The following SPDEF variants were observed in gnomAD, a reference collection of about 807,000 sequenced individuals.
The protein encoded by SPDEF is SAM pointed domain-containing Ets transcription factor.
SPDEF carries 12 observed loss-of-function variants against 36.0 expected under a neutral mutation model. The ratio of observed to expected loss-of-function variants is 0.33; its 90% CI spans 0.21 to 0.54. SPDEF has a LOEUF of 0.54. SPDEF is among the 20% of genes least tolerant of loss of function. The probability of loss-of-function intolerance (pLI) is 0.93; values close to 1 mark genes in which losing one functional copy is unlikely to be tolerated. For missense variants in SPDEF, 388 were observed against 456.9 expected (o/e 0.85, Z 1.37); for synonymous variants, 205 against 193.0 (o/e 1.06, Z -0.51).
At chr6:34,546,011 C>T (rs80287747) in intron 1 of SPDEF, among the ~76,000 whole-genome samples, 1 of 151,928 alleles carries the variant, frequency 6.6e-6, no homozygotes, top group Non-Finnish European at 1.5e-5. Context: ...ATACAGAGAA[C>T]CAGTTAGGGA....
intron 1 of SPDEF, among the ~76,000 whole-genome samples, chr6:34,545,378 C>T (rs1392725888): frequency 2.0e-5 from 3 of 152,372 alleles, no homozygotes; most frequent in East Asian, 1.9e-4. Context: ...GCAACTCAGC[C>T]ACCTGCTCCT....
At chr6:34,546,992 AC>A (rs564745272) in intron 1 of SPDEF, among the ~76,000 whole-genome samples, 3,739 of 100,914 alleles carry the variant, frequency 0.037, 44 homozygotes, top group African/African-American at 0.068. Context: ...ACCCCTGGGG[AC>A]CCCCCCCCGC....
At chr6:34,540,476 T>C (rs1767794066) in intron 3 of SPDEF, among the ~76,000 whole-genome samples, 1 of 151,070 alleles carries the variant, frequency 6.6e-6, no homozygotes, top group Non-Finnish European at 1.5e-5. Context: ...AGACTTTCCC[T>C]GGAAAGATAC....
chr6:34,541,904 G>A (rs1767831067), intron 2 of SPDEF, among the ~76,000 whole-genome samples: 1 of 152,212 alleles, frequency 6.6e-6, no homozygotes, highest in Non-Finnish European at 1.5e-5. Context: ...GGTGGGCATG[G>A]TCACAATGGG....
rs1006036612 is a variant in SPDEF, at chr6:34,543,995, A to G, written c.436+25T>C. Reference sequence around the variant, plus strand: ...GCCTTGCCTGTGACCCATCTTACGGAAGCAGGCACATGGAGAGGGCTCACC... The same window carrying G: ...GCCTTGCCTGTGACCCATCTTACGGGAGCAGGCACATGGAGAGGGCTCACC... On this transcript the variant is annotated intron_variant, in intron 2 of 5. Transcript: ENST00000374037. 2.5e-6 allele frequency: 4 copies of G among 1,594,728 alleles called. No individual in the cohort carries two copies. In the African/African-American group the frequency reaches 5.4e-5, roughly 22 times the overall value.
At chr6:34,549,788 G>T in intron 1 of SPDEF, among the ~76,000 whole-genome samples, 1 of 152,200 alleles carries the variant, frequency 6.6e-6, no homozygotes, top group East Asian at 1.9e-4. Flanking sequence ...GAGCACTGAG[G>T]GAGTGACAGA....
chr6:34,552,959 G>C lies in SPDEF; in HGVS notation c.-30+2970C>G, dbSNP rs1312271800. On this transcript the variant is annotated intron_variant, in intron 1 of 5. Transcript: ENST00000374037. The surrounding 1 kb of genome is among the most constrained non-coding windows in gnomAD (Gnocchi z 4.6). ...AACTTGCTACCCCAGGAGCAGAGAG[G>C]CCTGGGCCTTGCCCCGCAACCAGTC... Among the ~76,000 whole-genome samples the C allele has an allele frequency of 1.3e-5, 2 of 152,172 alleles. No individual in the cohort carries two copies. The highest frequency in any genetic ancestry group is 4.8e-5 in the African/African-American group (2 of 41,430).
At chr6:34,548,150 A>G (rs977967356) in intron 1 of SPDEF, among the ~76,000 whole-genome samples, 1 of 152,124 alleles carries the variant, frequency 6.6e-6, no homozygotes, top group Admixed American at 6.5e-5. Context: ...CCGCTTTCCT[A>G]CCCACAGCCA....
intron 1 of SPDEF, among the ~76,000 whole-genome samples, chr6:34,549,485 T>C (rs1768016799): frequency 6.6e-6 from 1 of 152,108 alleles, no homozygotes; most frequent in Non-Finnish European, 1.5e-5. Context: ...ACCCTTTGCC[T>C]CCCAGGTTTT....
Position 34,539,382 on chromosome 6 carries a change from C to T in SPDEF, c.697G>A (p.Glu233Lys). 2 of 1,613,730 alleles carry T rather than the reference C, an allele frequency of 1.2e-6. No homozygotes were observed. Among genetic ancestry groups the T allele is most frequent in the Non-Finnish European group, 8.5e-7 (1 of 1,180,038 alleles). Residue 233 changes from glutamate to lysine, a missense_variant, in exon 5 of 6, where the codon GAG becomes AAG. By Grantham distance (56) the Glu-to-Lys change is moderately conservative. Transcript: ENST00000374037. This position sits in a 1 kb window ranked among gnomAD's most constrained non-coding sequence, Gnocchi z 5.2. Reference sequence around the variant, plus strand: ...TCCACCTCGCTGTCGGTCCAGCTCTCCTCACTGGTCGAGGCTGGGTGGCCA... The same window carrying T: ...TCCACCTCGCTGTCGGTCCAGCTCTTCTCACTGGTCGAGGCTGGGTGGCCA... ...AIHYCASTSE[E>K]SWTDSEVDSS...
At position 34,538,376 on chromosome 6, in the gene SPDEF, G is replaced by A. The variant is rs768966626; in HGVS notation, c.906C>T (p.Tyr302=). 3.7e-5 allele frequency: 60 copies of A among 1,614,006 alleles called. No homozygotes were observed. The highest frequency in any genetic ancestry group is 1.3e-4 in the East Asian group (6 of 44,898). Residue 302 remains tyrosine (Y), a synonymous_variant, in exon 6 of 6, where the codon TAC becomes TAT. Transcript: ENST00000374037. This position sits in a 1 kb window ranked among gnomAD's most constrained non-coding sequence, Gnocchi z 5.9. ...GGCGGATGGAGCGGCTCAGCTTGTC[G>A]TAGTTCATGGCGGGACGGTTCTTGC... ...GIRKNRPAMN[Y]DKLSRSIRQY...
At chr6:34,546,560 C>T (rs186182482) in intron 1 of SPDEF, among the ~76,000 whole-genome samples, 1 of 152,300 alleles carries the variant, frequency 6.6e-6, no homozygotes, top group Non-Finnish European at 1.5e-5. Flanking sequence ...AAAATGACAT[C>T]CCTTCCCCCT....
In SPDEF at chr6:34,538,563, G is replaced by C. The variant is rs2127280586; in HGVS notation, c.830-111C>G. 1 of 1,108,680 alleles carries C rather than the reference G, an allele frequency of 9.0e-7. No individual in the cohort carries two copies. Among genetic ancestry groups the C allele is most frequent in the Non-Finnish European group, 1.3e-6 (1 of 778,520 alleles). 68.7% of individuals were successfully genotyped at this position (1,108,680 alleles called of 1,614,324 possible). On this transcript the variant is annotated intron_variant, in intron 5 of 5. Transcript: ENST00000374037. The surrounding 1 kb of genome is among the most constrained non-coding windows in gnomAD (Gnocchi z 5.9). Reference sequence around the variant, plus strand: ...GGCGAACCAAGGGACCCCGTGCAGAGGCCTCCCCCTGCTCGGGTGGGGCGG... The same window carrying C: ...GGCGAACCAAGGGACCCCGTGCAGACGCCTCCCCCTGCTCGGGTGGGGCGG...
At chr6:34,545,278 C>T (rs1767927503) in intron 1 of SPDEF, among the ~76,000 whole-genome samples, 2 of 152,242 alleles carry the variant, frequency 1.3e-5, no homozygotes, top group South Asian at 4.1e-4. Context: ...ATGCGGCCAC[C>T]CGGAGGCAGT....
Position 34,551,914 on chromosome 6 carries a change from G to A in SPDEF, c.-30+4015C>T, listed in dbSNP as rs1582006872. 3.3e-5 allele frequency among the ~76,000 whole-genome samples: 5 copies of A among 152,306 alleles called. No homozygotes were observed. The Middle Eastern group carries it at 0.017, about 518-fold the overall frequency. On this transcript the variant is annotated intron_variant, in intron 1 of 5. Coordinates refer to ENST00000374037, the MANE Select transcript of SPDEF (RefSeq NM_012391.3). ...GGACAGAACCCAGTTTCCCACCATA[G>A]CAACTACAATTCCGCTCAACCTTCA...
chr6:34,543,208 A>G (rs1356033895), intron 2 of SPDEF, among the ~76,000 whole-genome samples: 1 of 150,690 alleles, frequency 6.6e-6, no homozygotes, highest in African/African-American at 2.4e-5. Context: ...AAAAAAAAAA[A>G]AAAAAAAAAA....
chr6:34,541,066 G>A lies in SPDEF; in HGVS notation c.552C>T (p.Cys184=), dbSNP rs147769196. ...GGCGGAACTGCTCCTCCGACATGGC[G>A]CACAGCTCCTTGCCCGCCAGCTCCT... The part of the protein sequence containing the change: ...AFQELAGKEL[C]AMSEEQFRQR... The change falls in exon 3 of 6, where the codon TGC becomes TGT. Residue 184 remains cysteine, a synonymous_variant. Transcript: ENST00000374037. 3.1e-4 allele frequency: 495 copies of A among 1,612,326 alleles called. 2 individuals carry two copies. In the African/African-American group the frequency reaches 5.2e-3, roughly 17 times the overall value.
intron 1 of SPDEF, among the ~76,000 whole-genome samples, chr6:34,546,569 CT>C (rs1312276711): frequency 3.9e-5 from 6 of 152,204 alleles, no homozygotes; most frequent in Non-Finnish European, 7.3e-5. Context: ...TCCCTTCCCC[CT>C]GGATAGCATA....
chr6:34,551,515 C>T (rs974051448), intron 1 of SPDEF, among the ~76,000 whole-genome samples: 22 of 152,204 alleles, frequency 1.4e-4, no homozygotes, highest in African/African-American at 5.1e-4. Flanking sequence ...TTAGCCCTGG[C>T]ACTGCCTGGA....
Sources: gnomAD v4.1 joint callset for allele counts (sites outside exome capture counted in the v4.1 genomes callset) on GRCh38, gnomAD v4.1.1 for gene constraint, Gnocchi (gnomAD v3.1) non-coding constraint, MANE v1.5 for transcripts, NCBI Gene and HGNC (gene_info 2026-07-23, HGNC 2026-07-21) for gene names.